Variants in RASA3 observed in about 807,000 individuals in gnomAD.
The protein encoded by RASA3 is RAS p21 protein activator 3.
Under a neutral mutation model 110.0 loss-of-function variants are expected in RASA3, and 73 were observed. That is an observed-to-expected ratio of 0.66 (90% CI 0.55 to 0.81). RASA3 has a LOEUF of 0.81. Among genes scored for constraint, RASA3 ranks in the 30% least tolerant of loss-of-function variants. RASA3 has a pLI of 0.00. For synonymous variants in RASA3, 500 were observed against 451.4 expected, an observed-to-expected ratio of 1.11 and a Z score of -1.37; for missense variants, 976 against 1,113.2, an observed-to-expected ratio of 0.88 and a Z score of 1.75.
intron 1 of RASA3, among the ~76,000 whole-genome samples, chr13:114,121,548 T>A (rs2080377626): frequency 6.6e-6 from 1 of 152,118 alleles, no homozygotes; most frequent in Non-Finnish European, 1.5e-5. Flanking sequence ...TGCATACATG[T>A]GCATGTGTGC....
intron 1 of RASA3, among the ~76,000 whole-genome samples, chr13:114,099,243 C>T (rs2079990372): frequency 6.6e-6 from 1 of 151,976 alleles, no homozygotes; most frequent in African/African-American, 2.4e-5. Flanking sequence ...CAGTGAAGGT[C>T]AGAGCCAGAA....
chr13:113,990,922 C>T (rs1481991018), intron 22 of RASA3, among the ~76,000 whole-genome samples: 6 of 152,240 alleles, frequency 3.9e-5, no homozygotes, highest in East Asian at 3.8e-4. Context: ...CTGGAACCCA[C>T]GTACACCCAG....
At chr13:114,073,261 G>A (rs9590422) in intron 2 of RASA3, among the ~76,000 whole-genome samples, 7,118 of 135,302 alleles carry the variant, frequency 0.053, 149 homozygotes, top group African/African-American at 0.16. Flanking sequence ...GCGGGAAAAC[G>A]GGACGGTGAT....
intron 11 of RASA3, 29 bp downstream of exon 11, chr13:114,018,075 C>G: frequency 6.7e-7 from 1 of 1,486,686 alleles, no homozygotes; most frequent in South Asian, 1.3e-5. Context: ...GTCCAGGCCG[C>G]TCTCCCCCGG....
intron 1 of RASA3, among the ~76,000 whole-genome samples, chr13:114,081,132 C>T (rs540667518): frequency 7.2e-5 from 11 of 151,994 alleles, no homozygotes; most frequent in African/African-American, 1.5e-4. Context: ...CCACCCAAAA[C>T]GCAACAGTAC....
intron 4 of RASA3, 97 bp downstream of exon 4, chr13:114,040,903 C>A: frequency 1.7e-6 from 2 of 1,173,888 alleles, no homozygotes; most frequent in Non-Finnish European, 2.5e-6. Context: ...AGGCCGAAGC[C>A]CGATCTACGT....
intron 2 of RASA3, among the ~76,000 whole-genome samples, chr13:114,055,031 TGG>T (rs2079216618): frequency 6.6e-6 from 1 of 151,638 alleles, no homozygotes; most frequent in African/African-American, 2.4e-5. Flanking sequence ...GGCATGTGTG[TGG>T]GTGTGTGCAT....
chr13:114,104,342 G>A (rs879302721), intron 1 of RASA3, among the ~76,000 whole-genome samples: 1,172 of 111,118 alleles, frequency 0.011, 9 homozygotes, highest in Admixed American at 0.017. Context: ...CGCCGGCCAC[G>A]GACACCCACC....
At chr13:113,997,926 C>T (rs538906344) in intron 20 of RASA3, among the ~76,000 whole-genome samples, 36 of 152,238 alleles carry the variant, frequency 2.4e-4, no homozygotes, top group Non-Finnish European at 3.7e-4. Context: ...TGGACGCCCC[C>T]GTGCATGGCT....
At chr13:114,099,015 A>ACCCCTCCTTTTCT (rs1241449142) in intron 1 of RASA3, among the ~76,000 whole-genome samples, 1 of 66,930 alleles carries the variant, frequency 1.5e-5, no homozygotes. Context: ...CCCCCAGACC[A>ACCCCTCCTTTTCT]CAGCAGTCGG....
chr13:114,015,290 T>C lies in RASA3; in HGVS notation c.1324A>G (p.Thr442Ala). 1.2e-6 allele frequency: 2 copies of C among 1,613,038 alleles called. No individual in the cohort carries two copies. The highest frequency in any genetic ancestry group is 8.5e-7 in the Non-Finnish European group (1 of 1,179,970). ...QYVDRVFHAI[T>A]ESGVSCPTVM... ...GTCGGGCAGCTCACCCCAGACTCAG[T>C]GATGGCGTGGAAGACGCGGTCCACA... is the stretch of plus-strand genomic sequence containing the variant. Residue 442 changes from threonine (T) to alanine (A), a missense_variant, in exon 14 of 24, where the codon ACT becomes GCT. Thr to Ala is a moderately conservative substitution (Grantham distance 58). Around this residue, in one of 4 missense-constraint regions of RASA3, gnomAD observed 732 missense variants for 779.7 expected, o/e 0.94. Coordinates refer to ENST00000334062, the MANE Select transcript of RASA3 (RefSeq NM_007368.4).
chr13:114,075,143 G>C (rs981219434), intron 1 of RASA3, among the ~76,000 whole-genome samples: 12 of 152,328 alleles, frequency 7.9e-5, no homozygotes, highest in Non-Finnish European at 1.6e-4. Context: ...GCGCCACTCA[G>C]GGCCACATCA....
chr13:113,981,834 TAC>T lies in RASA3; in HGVS notation c.2268_2269del (p.Tyr757Ter), dbSNP rs1161782353. ...ATACTCCTCCTGCTCCGGGCCGTCA[TAC>T]ACAGATTTGCTCCCACAGGCCTCTG... On this transcript the variant is annotated frameshift_variant, in exon 23 of 24. Transcript: ENST00000334062. LOFTEE classifies it high-confidence loss of function. 1.9e-6 allele frequency: 3 copies of T among 1,613,840 alleles called. No homozygotes were observed. Among genetic ancestry groups the T allele is most frequent in the Non-Finnish European group, 2.5e-6 (3 of 1,179,940 alleles).
chr13:113,991,938 T>C (rs883163), intron 22 of RASA3, among the ~76,000 whole-genome samples: 107,510 of 152,058 alleles, frequency 0.71, 38,838 homozygotes, highest in African/African-American at 0.87. Context: ...GTCATGTCCA[T>C]ACATTCACAC....
Position 114,011,469 on chromosome 13 carries a change from C to T in RASA3, c.1513-221G>A, listed in dbSNP as rs1373316663. On this transcript the variant is annotated intron_variant, in intron 15 of 23. Coordinates refer to ENST00000334062, the MANE Select transcript of RASA3 (RefSeq NM_007368.4). This position sits in a 1 kb window ranked among gnomAD's most constrained non-coding sequence, Gnocchi z 4.8. ...ATCCCGCAGGCAACATCCGACGGCA[C>T]CGCGGTGACCCACTCTCTCGGCCCA... 6.6e-6 allele frequency among the ~76,000 whole-genome samples: 1 copy of T among 152,138 alleles called. No individual in the cohort carries two copies. The highest frequency in any genetic ancestry group is 1.5e-5 in the Non-Finnish European group (1 of 68,026).
intron 1 of RASA3, among the ~76,000 whole-genome samples, chr13:114,121,862 C>T (rs535848482): frequency 4.1e-4 from 62 of 152,362 alleles, no homozygotes; most frequent in African/African-American, 1.4e-3. Context: ...AGGAGCTTCT[C>T]GGAATCTCTC....
chr13:114,029,789 C>T (rs202080287), intron 5 of RASA3, 22 bp downstream of exon 5: 14 of 1,581,936 alleles, frequency 8.8e-6, no homozygotes, highest in Middle Eastern at 1.7e-4. Flanking sequence ...TGCGCTCGGT[C>T]TCTAGTGAGG....
Position 114,118,334 on chromosome 13 carries a change from A to T in RASA3, c.55+14101T>A, listed in dbSNP as rs546548105. Reference sequence around the variant, plus strand: ...AACCCCCCAGCCAAGTGCCTGTGGGAGGACATTTTAGTGGGTGGGGAAGCT... The same window carrying T: ...AACCCCCCAGCCAAGTGCCTGTGGGTGGACATTTTAGTGGGTGGGGAAGCT... On this transcript the variant is annotated intron_variant, in intron 1 of 23. Coordinates refer to ENST00000334062, the MANE Select transcript of RASA3 (RefSeq NM_007368.4). 2.0e-4 allele frequency among the ~76,000 whole-genome samples: 30 copies of T among 152,246 alleles called. No individual in the cohort carries two copies. In the South Asian group the frequency reaches 6.2e-3, roughly 32 times the overall value.
chr13:114,071,976 C>T lies in RASA3; in HGVS notation c.173+1744G>A, dbSNP rs765982078. ...AAAGCACACGACCCATGCTTCTGAA[C>T]TGAACGGTGCAGTCACAGCTGCAAG... On this transcript the variant is annotated intron_variant, in intron 2 of 23. Coordinates refer to ENST00000334062, the MANE Select transcript of RASA3 (RefSeq NM_007368.4). Among the ~76,000 whole-genome samples the T allele has an allele frequency of 2.8e-4, 42 of 152,340 alleles. No individual in the cohort carries two copies. The Middle Eastern group carries it at 0.014, about 49-fold the overall frequency.
Sources: allele counts gnomAD v4.1 joint callset (sites outside exome capture counted in the v4.1 genomes callset), GRCh38; gene constraint gnomAD v4.1.1; regional missense constraint gnomAD v4.1.1; non-coding constraint Gnocchi (gnomAD v3.1); transcripts MANE v1.5; gene names NCBI Gene and HGNC (gene_info 2026-07-23, HGNC 2026-07-21).